SLIT3: variants seen among roughly 807,000 people sequenced by gnomAD.
SLIT3 encodes the protein slit guidance ligand 3.
In SLIT3, 68 loss-of-function variants were observed where a neutral mutation model predicts 184.0. The ratio of observed to expected loss-of-function variants is 0.37; its 90% CI spans 0.30 to 0.45. The LOEUF (loss-of-function observed/expected upper bound fraction) is 0.45, where lower values mean the gene tolerates loss of function less well. Ranked by LOEUF, SLIT3 falls within the 20% of genes least tolerant of loss-of-function variation. The pLI, the probability that SLIT3 is intolerant of heterozygous loss-of-function variation, is 1.00. For missense variants in SLIT3, 1,707 were observed against 2,026.0 expected (o/e 0.84, Z 3.02); for synonymous variants, 831 against 828.6 (o/e 1.00, Z -0.05).
At chr5:169,020,915 C>G (rs377210411) in intron 4 of SLIT3, among the ~76,000 whole-genome samples, 10 of 152,204 alleles carry the variant, frequency 6.6e-5, no homozygotes, top group African/African-American at 2.4e-4. Context: ...AGCAAGATAA[C>G]CCTTCCTCCA....
chr5:169,148,599 A>C (rs1016583190), intron 4 of SLIT3, among the ~76,000 whole-genome samples: 6 of 152,242 alleles, frequency 3.9e-5, no homozygotes, highest in African/African-American at 1.4e-4. Context: ...ATGGCCAAGC[A>C]GGCATAATAT....
At chr5:168,848,595 C>A (rs1408388140) in intron 5 of SLIT3, among the ~76,000 whole-genome samples, 3 of 152,032 alleles carry the variant, frequency 2.0e-5, no homozygotes, top group Non-Finnish European at 4.4e-5. Flanking sequence ...TCTAATTTCC[C>A]CAGGAAGCTC....
At chr5:168,965,777 T>C (rs149188862) in intron 4 of SLIT3, among the ~76,000 whole-genome samples, 1 of 152,324 alleles carries the variant, frequency 6.6e-6, no homozygotes, top group African/African-American at 2.4e-5. Context: ...GTGCTTCTGG[T>C]TTCTAGGTAA....
chr5:168,770,259 G>A (rs545240930), intron 14 of SLIT3, among the ~76,000 whole-genome samples: 4 of 152,198 alleles, frequency 2.6e-5, no homozygotes, highest in African/African-American at 9.7e-5. Context: ...ACAGGCAGCT[G>A]GGAAACCAGA....
chr5:169,030,917 T>C (rs1293051470), intron 4 of SLIT3, among the ~76,000 whole-genome samples: 1 of 152,084 alleles, frequency 6.6e-6, no homozygotes, highest in Non-Finnish European at 1.5e-5. Context: ...AGATATGTGG[T>C]TTTAAAATTG....
At chr5:168,893,746 G>A (rs369409128) in intron 4 of SLIT3, among the ~76,000 whole-genome samples, 18 of 152,296 alleles carry the variant, frequency 1.2e-4, no homozygotes, top group Middle Eastern at 3.4e-3. Context: ...GCAGGGGAAC[G>A]TTTATGAAAT....
chr5:169,167,703 G>A (rs1033954402), intron 4 of SLIT3, among the ~76,000 whole-genome samples: 1 of 152,166 alleles, frequency 6.6e-6, no homozygotes, highest in Non-Finnish European at 1.5e-5. Flanking sequence ...CTGGTAAGGA[G>A]CAGAGGGTGG....
chr5:169,208,785 T>C (rs1409636294), intron 3 of SLIT3, among the ~76,000 whole-genome samples: 1 of 152,066 alleles, frequency 6.6e-6, no homozygotes, highest in Non-Finnish European at 1.5e-5. Flanking sequence ...AAAATTAAGA[T>C]GGATTAAAGA....
chr5:168,910,832 G>A lies in SLIT3; in HGVS notation c.414-27496C>T, dbSNP rs1761229419. On this transcript the variant is annotated intron_variant, in intron 4 of 35. Coordinates refer to ENST00000519560, the MANE Select transcript of SLIT3 (RefSeq NM_003062.4). ...ACAAACATATCTGTATGCTTGATCA[G>A]AATGCCTTCTGCAAAGAGAACCTCT... Among the ~76,000 whole-genome samples, 3 of 151,984 alleles carry A rather than the reference G, an allele frequency of 2.0e-5. 1 individual carries two copies. Among genetic ancestry groups the A allele is most frequent in the African/African-American group, 7.3e-5 (3 of 41,376 alleles).
At chr5:169,153,820 A>G (rs1283581711) in intron 4 of SLIT3, among the ~76,000 whole-genome samples, 1 of 152,038 alleles carries the variant, frequency 6.6e-6, no homozygotes, top group Non-Finnish European at 1.5e-5. Flanking sequence ...CTTGAACTCT[A>G]GTTCTGGTTA....
At chr5:168,851,112 A>T (rs1337437608) in intron 5 of SLIT3, among the ~76,000 whole-genome samples, 1 of 152,156 alleles carries the variant, frequency 6.6e-6, no homozygotes, top group Non-Finnish European at 1.5e-5. Flanking sequence ...TCATGAGGTC[A>T]GAAGATCGAG....
intron 4 of SLIT3, among the ~76,000 whole-genome samples, chr5:169,134,820 C>T (rs1761440686): frequency 6.6e-6 from 1 of 152,194 alleles, no homozygotes; most frequent in Non-Finnish European, 1.5e-5. Context: ...TGGCTAGGCC[C>T]CTCCGTGGCA....
chr5:168,966,969 A>C (rs2113305506), intron 4 of SLIT3, among the ~76,000 whole-genome samples: 1 of 152,324 alleles, frequency 6.6e-6, no homozygotes, highest in East Asian at 1.9e-4. Flanking sequence ...TAAGGAAATA[A>C]TATGACAAAG....
At chr5:168,781,886 C>T (rs1192954435) in intron 12 of SLIT3, among the ~76,000 whole-genome samples, 1 of 152,206 alleles carries the variant, frequency 6.6e-6, no homozygotes, top group Non-Finnish European at 1.5e-5. Context: ...GGTCAAGTCA[C>T]TTAACCCTCA....
At chr5:169,227,646 T>A (rs1764858873) in intron 3 of SLIT3, among the ~76,000 whole-genome samples, 1 of 152,218 alleles carries the variant, frequency 6.6e-6, no homozygotes. Context: ...CAGGCTGGTC[T>A]CAAAGTGACC....
At chr5:168,806,227 C>T (rs1756952581) in intron 9 of SLIT3, among the ~76,000 whole-genome samples, 1 of 152,180 alleles carries the variant, frequency 6.6e-6, no homozygotes, top group South Asian at 2.1e-4. Context: ...ACCCCTGGCC[C>T]TAGGCTATAG....
intron 4 of SLIT3, among the ~76,000 whole-genome samples, chr5:168,955,297 T>C (rs1401330411): frequency 6.6e-6 from 1 of 152,208 alleles, no homozygotes; most frequent in African/African-American, 2.4e-5. Context: ...AAATTATTTT[T>C]CTATTTTTGC....
At chr5:168,806,984 C>A (rs976343540) in intron 8 of SLIT3, among the ~76,000 whole-genome samples, 4 of 152,118 alleles carry the variant, frequency 2.6e-5, no homozygotes, top group Non-Finnish European at 4.4e-5. Flanking sequence ...AGCTTTTAGA[C>A]CTTTCTCTAG....
At chr5:169,063,761 G>A (rs1024448795) in intron 4 of SLIT3, among the ~76,000 whole-genome samples, 5 of 152,340 alleles carry the variant, frequency 3.3e-5, no homozygotes, top group South Asian at 2.1e-4. Flanking sequence ...CTGAAGCTCC[G>A]GAATGTTCAT....
Sources: gnomAD v4.1 joint callset for allele counts (sites outside exome capture counted in the v4.1 genomes callset) on GRCh38, gnomAD v4.1.1 for gene constraint, MANE v1.5 for transcripts, NCBI Gene and HGNC (gene_info 2026-07-23, HGNC 2026-07-21) for gene names.